LOC647264: variants seen among roughly 807,000 people sequenced by gnomAD.
the LOC647264 span, among the ~76,000 whole-genome samples, chr13:63,832,832 AGAGCCATAGCCACAGCCATAGCTG>A: frequency 0.021 from 3,193 of 151,748 alleles, 138 homozygotes; most frequent in African/African-American, 0.073. Context: ...AGCTGTAGCC[AGAGCCATAGCCACAGCCATAGCTG>A]GAGCCATAGC....
chr13:63,832,874 A>G, the LOC647264 span, among the ~76,000 whole-genome samples: 10 of 151,928 alleles, frequency 6.6e-5, no homozygotes, highest in Non-Finnish European at 1.3e-4. Flanking sequence ...AGCCACAGCC[A>G]TAACCAGAGC....
At chr13:63,832,928 A>G in the LOC647264 span, among the ~76,000 whole-genome samples, 3,038 of 23,752 alleles carry the variant, frequency 0.13, 136 homozygotes, top group African/African-American at 0.22. Flanking sequence ...AGCCATAACC[A>G]GAGCCATAGC....
At chr13:63,832,811 G>T in the LOC647264 span, among the ~76,000 whole-genome samples, 1 of 151,776 alleles carries the variant, frequency 6.6e-6, no homozygotes, top group African/African-American at 2.4e-5. Flanking sequence ...CAGAGCCAGA[G>T]CCATAGCCAC....
the LOC647264 span, among the ~76,000 whole-genome samples, chr13:63,832,883 G>A: frequency 7.2e-6 from 1 of 139,194 alleles, no homozygotes; most frequent in African/African-American, 3.4e-5. Context: ...CATAACCAGA[G>A]CCATAGCCAC....
At chr13:63,833,048 G>T in the LOC647264 span, among the ~76,000 whole-genome samples, 1 of 152,134 alleles carries the variant, frequency 6.6e-6, no homozygotes, top group East Asian at 1.9e-4. Context: ...CTGAGGTGTG[G>T]ACGTCTTCTA....
At chr13:63,833,011 A>C in the LOC647264 span, among the ~76,000 whole-genome samples, 91 of 152,320 alleles carry the variant, frequency 6.0e-4, no homozygotes, top group African/African-American at 2.1e-3. Context: ...AGAGGAGAGA[A>C]TTGAGATGGG....
At chr13:63,832,815 T>G in the LOC647264 span, among the ~76,000 whole-genome samples, 6 of 151,586 alleles carry the variant, frequency 4.0e-5, no homozygotes, top group African/African-American at 7.3e-5. Flanking sequence ...GCCAGAGCCA[T>G]AGCCACAGCT....
chr13:63,833,039 T>C, the LOC647264 span, among the ~76,000 whole-genome samples: 46 of 152,322 alleles, frequency 3.0e-4, no homozygotes, highest in African/African-American at 1.0e-3. Flanking sequence ...AAGATGCTTC[T>C]GAGGTGTGGA....
At chr13:63,832,660 T>C in the LOC647264 span, among the ~76,000 whole-genome samples, 6 of 149,128 alleles carry the variant, frequency 4.0e-5, no homozygotes, top group East Asian at 2.0e-4. Context: ...CTGACAGTGA[T>C]GTTTTAGCAG....
chr13:63,833,021 G>T, the LOC647264 span, among the ~76,000 whole-genome samples: 1 of 152,188 alleles, frequency 6.6e-6, no homozygotes, highest in African/African-American at 2.4e-5. Flanking sequence ...ATTGAGATGG[G>T]TTTCAAGAAG....
the LOC647264 span, among the ~76,000 whole-genome samples, chr13:63,832,787 T>G: frequency 6.6e-6 from 1 of 150,842 alleles, no homozygotes; most frequent in African/African-American, 2.4e-5. Flanking sequence ...CGTAGCCAGT[T>G]CCATAGCCAC....
At chr13:63,832,875 T>A in the LOC647264 span, among the ~76,000 whole-genome samples, 3 of 152,172 alleles carry the variant, frequency 2.0e-5, no homozygotes, top group South Asian at 6.2e-4. Flanking sequence ...GCCACAGCCA[T>A]AACCAGAGCC....
the LOC647264 span, among the ~76,000 whole-genome samples, chr13:63,833,051 G>T: frequency 6.6e-6 from 1 of 152,134 alleles, no homozygotes; most frequent in East Asian, 1.9e-4. Context: ...AGGTGTGGAC[G>T]TCTTCTACTT....
At chr13:63,832,769 C>G in the LOC647264 span, among the ~76,000 whole-genome samples, 2 of 151,888 alleles carry the variant, frequency 1.3e-5, no homozygotes, top group Non-Finnish European at 2.9e-5. Flanking sequence ...CACAGCCATA[C>G]CCACAGCCGT....
the LOC647264 span, among the ~76,000 whole-genome samples, chr13:63,832,906 AG>A: frequency 2.7e-4 from 10 of 36,468 alleles, no homozygotes; most frequent in South Asian, 1.2e-3. Context: ...CCATAGCTGG[AG>A]CCATAGCCAC....
At chr13:63,832,932 C>A in the LOC647264 span, among the ~76,000 whole-genome samples, 1 of 152,152 alleles carries the variant, frequency 6.6e-6, no homozygotes, top group Non-Finnish European at 1.5e-5. Context: ...ATAACCAGAG[C>A]CATAGCCACA....
chr13:63,832,832 A>AGAGCCATAGCCACAGCCATAGCTG, the LOC647264 span, among the ~76,000 whole-genome samples: 2 of 151,652 alleles, frequency 1.3e-5, no homozygotes, highest in African/African-American at 2.4e-5. Flanking sequence ...AGCTGTAGCC[A>AGAGCCATAGCCACAGCCATAGCTG]GAGCCATAGC....
chr13:63,832,893 C>T, the LOC647264 span, among the ~76,000 whole-genome samples: 4 of 137,240 alleles, frequency 2.9e-5, no homozygotes, highest in African/African-American at 1.4e-4. Flanking sequence ...GCCATAGCCA[C>T]AGCCATAGCT....
chr13:63,832,749 G>T, the LOC647264 span, among the ~76,000 whole-genome samples: 19 of 151,900 alleles, frequency 1.3e-4, no homozygotes, highest in Admixed American at 1.2e-3. Context: ...GCCATAGCCA[G>T]TTCCATAACC....
Sources: allele counts gnomAD v4.1 joint callset (sites outside exome capture counted in the v4.1 genomes callset), GRCh38; gene constraint gnomAD v4.1.1; transcripts MANE v1.5.